LRRTM3: variants seen among roughly 807,000 people sequenced by gnomAD.
The protein encoded by LRRTM3 is leucine-rich repeat transmembrane neuronal protein 3.
A neutral mutation model predicts 44.7 loss-of-function variants in LRRTM3; 24 were observed. The ratio of observed to expected loss-of-function variants is 0.54; its 90% CI spans 0.39 to 0.76. LRRTM3 has a LOEUF of 0.76. Among genes scored for constraint, LRRTM3 ranks in the 30% least tolerant of loss-of-function variants. The pLI is 0.00. For missense variants in LRRTM3, 587 were observed against 702.2 expected, an observed-to-expected ratio of 0.84 and a Z score of 1.85; for synonymous variants, 277 against 278.7, an observed-to-expected ratio of 0.99 and a Z score of 0.06.
intron 2 of LRRTM3, among the ~76,000 whole-genome samples, chr10:67,026,082 G>A (rs550290187): frequency 2.2e-3 from 330 of 147,940 alleles, no homozygotes; most frequent in African/African-American, 7.6e-3. Flanking sequence ...CACAGGAAGG[G>A]GAACATCACA....
intron 2 of LRRTM3, among the ~76,000 whole-genome samples, chr10:66,940,940 A>T (rs1331488938): frequency 6.6e-6 from 1 of 152,212 alleles, no homozygotes; most frequent in Non-Finnish European, 1.5e-5. Flanking sequence ...ATCGTAGCTC[A>T]AAGTGTTGTA....
At chr10:67,042,125 A>G (rs1306281111) in intron 2 of LRRTM3, among the ~76,000 whole-genome samples, 1 of 152,182 alleles carries the variant, frequency 6.6e-6, no homozygotes, top group Non-Finnish European at 1.5e-5. Context: ...ATGAAAGAAG[A>G]GGATTTTTGG....
intron 2 of LRRTM3, among the ~76,000 whole-genome samples, chr10:67,064,019 C>T (rs969650299): frequency 3.9e-5 from 6 of 152,156 alleles, no homozygotes; most frequent in African/African-American, 9.7e-5. Context: ...CCTCTATGCA[C>T]GTGTGCTTTG....
chr10:67,010,804 T>A (rs1431686987), intron 2 of LRRTM3, among the ~76,000 whole-genome samples: 3 of 152,218 alleles, frequency 2.0e-5, no homozygotes, highest in Non-Finnish European at 4.4e-5. Context: ...ATATCCATAT[T>A]TGTATGCCCA....
chr10:66,943,886 T>C (rs1482723925), intron 2 of LRRTM3, among the ~76,000 whole-genome samples: 1 of 152,204 alleles, frequency 6.6e-6, no homozygotes, highest in Non-Finnish European at 1.5e-5. Context: ...GCTTATAATT[T>C]AAAAATACTT....
intron 2 of LRRTM3, among the ~76,000 whole-genome samples, chr10:67,017,829 G>T (rs1852753926): frequency 6.6e-6 from 1 of 151,932 alleles, no homozygotes; most frequent in South Asian, 2.1e-4. Context: ...GAATATAGTG[G>T]CCCAATCTCG....
At chr10:66,943,051 T>C (rs1848094165) in intron 2 of LRRTM3, among the ~76,000 whole-genome samples, 1 of 152,180 alleles carries the variant, frequency 6.6e-6, no homozygotes, top group Non-Finnish European at 1.5e-5. Flanking sequence ...GTCACATTAA[T>C]AGGAAAAGCA....
intron 2 of LRRTM3, among the ~76,000 whole-genome samples, chr10:67,007,543 A>G (rs182052706): frequency 6.6e-6 from 1 of 152,216 alleles, no homozygotes; most frequent in East Asian, 1.9e-4. Flanking sequence ...AATTAGGTCA[A>G]ACTTGGAATC....
At chr10:66,990,346 C>T (rs1850975860) in intron 2 of LRRTM3, among the ~76,000 whole-genome samples, 1 of 152,150 alleles carries the variant, frequency 6.6e-6, no homozygotes, top group African/African-American at 2.4e-5. Context: ...CAGTTCTTCT[C>T]CTCTATGCTG....
At chr10:66,963,575 G>A (rs1240968100) in intron 2 of LRRTM3, among the ~76,000 whole-genome samples, 2 of 152,132 alleles carry the variant, frequency 1.3e-5, no homozygotes, top group Non-Finnish European at 2.9e-5. Flanking sequence ...ACCTGCAGTG[G>A]TAGTTTGGGT....
chr10:67,062,712 C>A (rs1925585), intron 2 of LRRTM3, among the ~76,000 whole-genome samples: 2 of 152,102 alleles, frequency 1.3e-5, no homozygotes, highest in African/African-American at 4.8e-5. Flanking sequence ...CCCTGCATTG[C>A]CTGGAAGCTA....
chr10:67,093,461 GA>G (rs1285497898), intron 2 of LRRTM3, among the ~76,000 whole-genome samples: 2 of 151,648 alleles, frequency 1.3e-5, no homozygotes, highest in Non-Finnish European at 2.9e-5. Context: ...AGGTTACTGT[GA>G]AAAAAAGAAA....
intron 2 of LRRTM3, among the ~76,000 whole-genome samples, chr10:67,025,667 A>G (rs1336705059): frequency 3.9e-5 from 6 of 152,184 alleles, no homozygotes; most frequent in African/African-American, 1.2e-4. Flanking sequence ...AAAGTACTAT[A>G]TAAGTACTAT....
At chr10:67,093,610 C>T (rs1482982857) in intron 2 of LRRTM3, among the ~76,000 whole-genome samples, 1 of 151,722 alleles carries the variant, frequency 6.6e-6, no homozygotes, top group African/African-American at 2.4e-5. Flanking sequence ...CTCTCCATTA[C>T]TACCCAGCGA....
intron 2 of LRRTM3, among the ~76,000 whole-genome samples, chr10:67,051,032 T>C (rs1855056330): frequency 6.6e-6 from 1 of 152,146 alleles, no homozygotes; most frequent in African/African-American, 2.4e-5. Flanking sequence ...AAGAGACAGT[T>C]TCTGTTTTCA....
intron 2 of LRRTM3, among the ~76,000 whole-genome samples, chr10:66,933,597 C>T (rs1847529113): frequency 6.6e-6 from 1 of 152,170 alleles, no homozygotes; most frequent in South Asian, 2.1e-4. Context: ...GTATCAGTCA[C>T]ATGATATCTG....
chr10:67,028,736 G>A (rs935666755), intron 2 of LRRTM3, among the ~76,000 whole-genome samples: 19 of 151,804 alleles, frequency 1.3e-4, no homozygotes, highest in Non-Finnish European at 1.3e-4. Context: ...AACGATTAAG[G>A]TCTTCTAGGA....
intron 2 of LRRTM3, among the ~76,000 whole-genome samples, chr10:67,089,737 G>C (rs905738358): frequency 6.6e-6 from 1 of 151,564 alleles, no homozygotes; most frequent in African/African-American, 2.4e-5. Flanking sequence ...GTGTGTGTGT[G>C]TGTGTGTGTG....
intron 2 of LRRTM3, among the ~76,000 whole-genome samples, chr10:66,946,726 A>G (rs896335459): frequency 6.6e-6 from 1 of 152,262 alleles, no homozygotes; most frequent in African/African-American, 2.4e-5. Context: ...GTAGAACTAC[A>G]TATTTCTCAT....
Sources: allele counts gnomAD v4.1 joint callset (sites outside exome capture counted in the v4.1 genomes callset), GRCh38; gene constraint gnomAD v4.1.1; transcripts MANE v1.5; gene names NCBI Gene and HGNC (gene_info 2026-07-23, HGNC 2026-07-21).